The following NRXN1 variants were observed in gnomAD, a reference collection of about 807,000 sequenced individuals.
The protein encoded by NRXN1 is neurexin 1, also known as neurexin-1.
Under a neutral mutation model 150.9 loss-of-function variants are expected in NRXN1, and 39 were observed. That is an observed-to-expected ratio of 0.26 (90% CI 0.20 to 0.34). The LOEUF is 0.34. NRXN1 is among the 10% of genes least tolerant of loss of function. The pLI is 1.00. For synonymous variants in NRXN1, 924 were observed against 757.0 expected, an observed-to-expected ratio of 1.22 and a Z score of -3.62; for missense variants, 1,815 against 1,949.9, an observed-to-expected ratio of 0.93 and a Z score of 1.30.
intron 18 of NRXN1, among the ~76,000 whole-genome samples, chr2:50,205,106 C>G (rs2062468448): frequency 6.6e-6 from 1 of 152,006 alleles, no homozygotes; most frequent in East Asian, 1.9e-4. Flanking sequence ...TTAGTAGAGT[C>G]ACACACAAAT....
At chr2:50,027,976 T>C (rs1688610645) in intron 21 of NRXN1, among the ~76,000 whole-genome samples, 1 of 152,164 alleles carries the variant, frequency 6.6e-6, no homozygotes, top group South Asian at 2.1e-4. Context: ...TCTTTGTGTT[T>C]AGATCCTTTG....
chr2:50,654,340 C>T (rs971172494), intron 5 of NRXN1, among the ~76,000 whole-genome samples: 14 of 151,522 alleles, frequency 9.2e-5, no homozygotes, highest in Non-Finnish European at 1.3e-4. Context: ...TCATCCATGT[C>T]CCTACAAAGG....
intron 18 of NRXN1, among the ~76,000 whole-genome samples, chr2:50,097,022 T>C (rs1700318029): frequency 6.6e-6 from 1 of 152,206 alleles, no homozygotes; most frequent in African/African-American, 2.4e-5. Context: ...TAAAGCAGAA[T>C]ACACGTAAGT....
chr2:50,606,646 T>A (rs1355017560), intron 8 of NRXN1, among the ~76,000 whole-genome samples: 1 of 138,968 alleles, frequency 7.2e-6, no homozygotes, highest in Non-Finnish European at 1.6e-5. Flanking sequence ...AAAACTTCTT[T>A]CATATATTAG....
intron 2 of NRXN1, among the ~76,000 whole-genome samples, chr2:51,012,112 T>A (rs957122471): frequency 2.0e-5 from 3 of 152,028 alleles, no homozygotes; most frequent in Non-Finnish European, 2.9e-5. Flanking sequence ...CTCTTAGACC[T>A]GTAGTTGACC....
intron 5 of NRXN1, among the ~76,000 whole-genome samples, chr2:50,775,318 C>G (rs574108161): frequency 6.6e-6 from 1 of 152,226 alleles, no homozygotes; most frequent in East Asian, 1.9e-4. Context: ...CTCAGCAACA[C>G]TGTATTTTCC....
chr2:50,783,290 A>T (rs1704605997), intron 5 of NRXN1, among the ~76,000 whole-genome samples: 3 of 152,134 alleles, frequency 2.0e-5, no homozygotes. Flanking sequence ...AGCATCAAAT[A>T]AAGAATAACC....
intron 13 of NRXN1, among the ~76,000 whole-genome samples, chr2:50,504,733 G>A (rs1219268535): frequency 6.6e-6 from 1 of 152,108 alleles, no homozygotes; most frequent in Non-Finnish European, 1.5e-5. Flanking sequence ...TTTAAGTGCA[G>A]TGACTTCCAA....
At chr2:50,615,905 GCT>G (rs1235340220) in intron 8 of NRXN1, 1 of 152,052 alleles carries the variant, frequency 6.6e-6, no homozygotes, top group Non-Finnish European at 1.5e-5. Flanking sequence ...ATATATTTCA[GCT>G]CTTACTCAGT....
intron 18 of NRXN1, among the ~76,000 whole-genome samples, chr2:50,104,715 G>C (rs1032024266): frequency 2.0e-4 from 31 of 152,030 alleles, no homozygotes; most frequent in African/African-American, 6.5e-4. Flanking sequence ...TGGCTAATAA[G>C]TATCAGAGCT....
chr2:50,675,455 T>C (rs1010504031), intron 5 of NRXN1, among the ~76,000 whole-genome samples: 1 of 152,162 alleles, frequency 6.6e-6, no homozygotes, highest in Non-Finnish European at 1.5e-5. Context: ...AAATTCATGC[T>C]GTATCAGGAA....
At chr2:50,145,354 C>T (rs1279585331) in intron 18 of NRXN1, among the ~76,000 whole-genome samples, 9 of 151,570 alleles carry the variant, frequency 5.9e-5, no homozygotes, top group African/African-American at 1.5e-4. Flanking sequence ...TGGTGAATTA[C>T]ATACATCATG....
At chr2:50,526,138 T>C (rs2092945727) in intron 12 of NRXN1, among the ~76,000 whole-genome samples, 2 of 151,910 alleles carry the variant, frequency 1.3e-5, no homozygotes, top group African/African-American at 4.8e-5. Flanking sequence ...AAAATGACTA[T>C]AGGAAACAGC....
intron 5 of NRXN1, among the ~76,000 whole-genome samples, chr2:50,655,132 T>C (rs1018774321): frequency 5.3e-5 from 8 of 151,718 alleles, no homozygotes; most frequent in African/African-American, 1.5e-4. Context: ...TGTGATTAAA[T>C]GGTAAATTGG....
At chr2:50,553,955 A>G (rs1667871888) in intron 8 of NRXN1, among the ~76,000 whole-genome samples, 1 of 152,188 alleles carries the variant, frequency 6.6e-6, no homozygotes, top group Non-Finnish European at 1.5e-5. Context: ...GGATAAAGAG[A>G]GAAGGACACC....
chr2:50,939,762 AG>A (rs1261248195), intron 2 of NRXN1, among the ~76,000 whole-genome samples: 2 of 152,220 alleles, frequency 1.3e-5, no homozygotes, highest in Non-Finnish European at 2.9e-5. Flanking sequence ...TATGCACAAC[AG>A]AAAAATACAA....
chr2:50,595,743 C>A (rs1355981230), intron 8 of NRXN1, among the ~76,000 whole-genome samples: 1 of 152,166 alleles, frequency 6.6e-6, no homozygotes, highest in African/African-American at 2.4e-5. Context: ...ATAAGTCTCT[C>A]AGGTGTTTTT....
At chr2:50,988,761 A>C (rs1294732515) in intron 2 of NRXN1, among the ~76,000 whole-genome samples, 1 of 151,962 alleles carries the variant, frequency 6.6e-6, no homozygotes, top group Non-Finnish European at 1.5e-5. Flanking sequence ...TGCTGTACCT[A>C]AGCTTCAAAT....
chr2:50,124,455 C>T lies in NRXN1; in HGVS notation c.3547-32961G>A, dbSNP rs1704291363. Among the ~76,000 whole-genome samples, 3 of 152,060 alleles carry T rather than the reference C, an allele frequency of 2.0e-5. No homozygotes were observed. In the South Asian group the frequency reaches 6.2e-4, roughly 31 times the overall value. ...AGATTCTAGTGACTTCTCAAGAAAG[C>T]CTACTTTTTCCCATTGTTAATACGT... On this transcript the variant is annotated intron_variant, in intron 18 of 22. Coordinates refer to ENST00000401669, the MANE Select transcript of NRXN1 (RefSeq NM_001330078.2).
Sources: gnomAD v4.1 joint callset for allele counts (sites outside exome capture counted in the v4.1 genomes callset) on GRCh38, gnomAD v4.1.1 for gene constraint, MANE v1.5 for transcripts, NCBI Gene and HGNC (gene_info 2026-07-23, HGNC 2026-07-21) for gene names.